FER1L6: variants seen among roughly 807,000 people sequenced by gnomAD.
FER1L6 encodes the protein fer-1-like protein 6.
FER1L6 carries 177 observed loss-of-function variants against 219.2 expected under a neutral mutation model. That is an observed-to-expected ratio of 0.81 (90% CI 0.71 to 0.91). FER1L6 has a LOEUF of 0.91. Ranked by LOEUF, FER1L6 falls within the 40% of genes least tolerant of loss-of-function variation. The pLI is 0.00. For missense variants in FER1L6, 2,153 were observed against 2,259.9 expected, an observed-to-expected ratio of 0.95 and a Z score of 0.96; for synonymous variants, 768 against 824.3, an observed-to-expected ratio of 0.93 and a Z score of 1.17.
chr8:124,083,627 A>G (rs1821671458), intron 33 of FER1L6, among the ~76,000 whole-genome samples: 1 of 152,052 alleles, frequency 6.6e-6, no homozygotes, highest in African/African-American at 2.4e-5. Flanking sequence ...AAAAAGATTT[A>G]TGTGTCTGTT....
At chr8:124,113,363 A>AT (rs1216384748) in intron 39 of FER1L6, among the ~76,000 whole-genome samples, 1 of 152,108 alleles carries the variant, frequency 6.6e-6, no homozygotes, top group East Asian at 1.9e-4. Flanking sequence ...ATATATGCCT[A>AT]TTTTTTGACT....
chr8:124,068,708 T>C (rs1310481483), intron 28 of FER1L6, among the ~76,000 whole-genome samples: 3 of 152,156 alleles, frequency 2.0e-5, no homozygotes, highest in Non-Finnish European at 4.4e-5. Context: ...AAATTATTTA[T>C]TCTCTCTGTG....
chr8:123,934,014 C>T (rs1440290956), intron 1 of FER1L6, among the ~76,000 whole-genome samples: 1 of 152,128 alleles, frequency 6.6e-6, no homozygotes, highest in Non-Finnish European at 1.5e-5. Context: ...TGCATAATCA[C>T]CAAATAATTC....
At chr8:123,896,940 A>G (rs1332251823) in intron 1 of FER1L6, among the ~76,000 whole-genome samples, 2 of 152,014 alleles carry the variant, frequency 1.3e-5, no homozygotes, top group East Asian at 1.9e-4. Flanking sequence ...CTCCTCCTCA[A>G]TCCAGGCCCT....
chr8:123,932,404 A>ACGGT (rs2129927617), intron 1 of FER1L6, among the ~76,000 whole-genome samples: 1 of 152,352 alleles, frequency 6.6e-6, no homozygotes, highest in Non-Finnish European at 1.5e-5. Flanking sequence ...CCACCGTGCC[A>ACGGT]GGCTCCGTAT....
intron 5 of FER1L6, among the ~76,000 whole-genome samples, chr8:123,968,174 G>A (rs946370027): frequency 3.3e-5 from 5 of 152,052 alleles, no homozygotes; most frequent in African/African-American, 1.2e-4. Flanking sequence ...AAGAGCTTTT[G>A]GCATGGATGT....
chr8:123,889,749 G>A (rs1159042605), intron 1 of FER1L6, among the ~76,000 whole-genome samples: 1 of 152,118 alleles, frequency 6.6e-6, no homozygotes, highest in South Asian at 2.1e-4. Context: ...TATGACAGAA[G>A]AAAGGAACCA....
Position 124,111,643 on chromosome 8 carries a change from CT to C in FER1L6, c.5290-7196del, listed in dbSNP as rs1379331454. On this transcript the variant is annotated intron_variant, in intron 39 of 40. Coordinates refer to ENST00000522917, the MANE Select transcript of FER1L6 (RefSeq NM_001039112.2). This position sits in a 1 kb window ranked among gnomAD's most constrained non-coding sequence, Gnocchi z 5.0. ...AAACAGGGGTGGATTCATGCCTTCTCTTTTTAGACCATATAGGGTAACTTCC... is the reference window on the plus strand; with the variant it reads ...AAACAGGGGTGGATTCATGCCTTCTCTTTTAGACCATATAGGGTAACTTCC... Among the ~76,000 whole-genome samples the C allele has an allele frequency of 6.6e-6, 1 of 152,136 alleles. No individual in the cohort carries two copies. The highest frequency in any genetic ancestry group is 2.4e-5 in the African/African-American group (1 of 41,428).
intron 20 of FER1L6, 142 bp downstream of exon 20, chr8:124,040,148 T>G: frequency 1.8e-6 from 2 of 1,111,278 alleles, no homozygotes; most frequent in East Asian, 5.0e-5. Flanking sequence ...GAAAAGCGAA[T>G]ATGTGCCCAG....
chr8:123,854,299 G>C (rs1278420712), intron 1 of FER1L6, among the ~76,000 whole-genome samples: 2 of 152,138 alleles, frequency 1.3e-5, no homozygotes, highest in Non-Finnish European at 1.5e-5. Flanking sequence ...GTAGGGTGTT[G>C]ATACCCTCTA....
At chr8:123,909,705 T>C (rs1340999519) in intron 1 of FER1L6, among the ~76,000 whole-genome samples, 1 of 151,964 alleles carries the variant, frequency 6.6e-6, no homozygotes, top group East Asian at 1.9e-4. Flanking sequence ...GGCCAATTAT[T>C]TCTCTTAAAT....
At position 124,060,244 on chromosome 8, in the gene FER1L6, C is replaced by T. The variant is rs765835844; in HGVS notation, c.2939C>T (p.Pro980Leu). The change falls in exon 23 of 41, where the codon CCG becomes CTG. Residue 980 changes from proline (P) to leucine (L), a missense_variant. Pro to Leu is a moderately conservative substitution (Grantham distance 98, BLOSUM62 -3). Coordinates refer to ENST00000522917, the MANE Select transcript of FER1L6 (RefSeq NM_001039112.2). ...VEPPDITQIYPVPANIRPVLS... is the reference protein window; with the variant it reads ...VEPPDITQIYLVPANIRPVLS... Reference sequence around the variant, plus strand: ...CCACCAGACATCACCCAGATCTACCCGGTTCCTGCCAACATTCGGCCGGTG... The same window carrying T: ...CCACCAGACATCACCCAGATCTACCTGGTTCCTGCCAACATTCGGCCGGTG... The T allele has an allele frequency of 2.0e-4, 319 of 1,614,028 alleles. 2 individuals carry two copies. Among genetic ancestry groups the T allele is most frequent in the East Asian group, 3.6e-4 (16 of 44,878 alleles).
chr8:123,956,284 T>G (rs1255991645), intron 2 of FER1L6, among the ~76,000 whole-genome samples: 1 of 152,180 alleles, frequency 6.6e-6, no homozygotes, highest in Non-Finnish European at 1.5e-5. Flanking sequence ...TGAGTGGGCA[T>G]GTAAGGGGTC....
chr8:123,921,195 A>G (rs145461107), intron 1 of FER1L6, among the ~76,000 whole-genome samples: 221 of 152,280 alleles, frequency 1.5e-3, no homozygotes, highest in African/African-American at 5.0e-3. Flanking sequence ...TCTTTTGGAT[A>G]TATACCCAGA....
intron 6 of FER1L6, among the ~76,000 whole-genome samples, chr8:123,971,745 G>C (rs999557751): frequency 6.6e-6 from 1 of 152,230 alleles, no homozygotes; most frequent in African/African-American, 2.4e-5. Flanking sequence ...GATAAGAAGT[G>C]GGGGACTGCT....
chr8:124,003,075 G>A, intron 12 of FER1L6, 92 bp from the exon 13 acceptor site: 1 of 1,048,106 alleles, frequency 9.5e-7, no homozygotes, highest in Admixed American at 2.0e-5. Flanking sequence ...CCTTATTGCT[G>A]TGGGAGAACA....
intron 18 of FER1L6, among the ~76,000 whole-genome samples, chr8:124,025,573 G>A (rs7839880): frequency 0.59 from 89,285 of 152,000 alleles, 26,767 homozygotes; most frequent in African/African-American, 0.67. Flanking sequence ...TTGTTTTGGT[G>A]ACTATAGCCT....
chr8:123,996,181 G>T (rs932320283), intron 12 of FER1L6, among the ~76,000 whole-genome samples: 1 of 152,094 alleles, frequency 6.6e-6, no homozygotes, highest in East Asian at 1.9e-4. Flanking sequence ...TTGTTCCATG[G>T]TGCAGATTAA....
Position 124,062,000 on chromosome 8 carries a change from T to C in FER1L6, c.3296T>C (p.Ile1099Thr). The change falls in exon 25 of 41, where the codon ATC becomes ACC. Residue 1099 changes from isoleucine (I) to threonine (T), a missense_variant. Physicochemically the swap from Ile to Thr is moderately conservative, Grantham distance 89. Coordinates refer to ENST00000522917, the MANE Select transcript of FER1L6 (RefSeq NM_001039112.2). ...AAACTCAGAGAGCCCCTTGCCCCCA[T>C]CACACAGGTGGATGGAACCCAGCCT... ...LCKLREPLAP[I>T]TQVDGTQPGH... 6.2e-7 allele frequency: 1 copy of C among 1,614,118 alleles called. No homozygotes were observed. The highest frequency in any genetic ancestry group is 8.5e-7 in the Non-Finnish European group (1 of 1,179,990).
Sources: allele counts gnomAD v4.1 joint callset (sites outside exome capture counted in the v4.1 genomes callset), GRCh38; gene constraint gnomAD v4.1.1; non-coding constraint Gnocchi (gnomAD v3.1); transcripts MANE v1.5; gene names NCBI Gene and HGNC (gene_info 2026-07-23, HGNC 2026-07-21).